CCL27: variants seen among roughly 807,000 people sequenced by gnomAD.
CCL27 encodes C-C motif chemokine ligand 27, also known as C-C motif chemokine 27.
Under a neutral mutation model 7.7 loss-of-function variants are expected in CCL27, and 8 were observed. The ratio of observed to expected loss-of-function variants is 1.04; its 90% CI spans 0.61 to 1.88. The LOEUF (loss-of-function observed/expected upper bound fraction) is 1.88, where lower values mean the gene tolerates loss of function less well. CCL27 is among the 40% of genes most tolerant of loss of function. The probability of loss-of-function intolerance (pLI) is 0.00; values close to 1 mark genes in which losing one functional copy is unlikely to be tolerated. For missense variants in CCL27, 130 were observed against 130.0 expected, an observed-to-expected ratio of 1.00 and a Z score of 0.00; for synonymous variants, 49 against 53.2, an observed-to-expected ratio of 0.92 and a Z score of 0.34.
In CCL27 at chr9:34,662,385, A is replaced by G; in HGVS notation, c.102T>C (p.Cys34=). Residue 34 remains cysteine, a synonymous_variant, in exon 2 of 3, where the codon TGT becomes TGC. Transcript: ENST00000259631. ...AFLLPPSTAC[C]TQLYRKPLSD... ...AGAGTGGCTTTCGGTAGAGCTGAGT[A>G]CAGCAGGCAGTGCTGGGTGGCAGTA... 6.2e-7 allele frequency: 1 copy of G among 1,614,134 alleles called. No homozygotes were observed. The highest frequency in any genetic ancestry group is 1.1e-5 in the South Asian group (1 of 91,084).
In CCL27 at chr9:34,662,252, CAG is replaced by C. The variant is rs771488336; in HGVS notation, c.203+30_203+31del. 3 of 1,612,940 alleles carry C rather than the reference CAG, an allele frequency of 1.9e-6. No homozygotes were observed. In the South Asian group the frequency reaches 3.3e-5, roughly 18 times the overall value. On this transcript the variant is annotated intron_variant, in intron 2 of 2. Coordinates refer to ENST00000259631, the MANE Select transcript of CCL27 (RefSeq NM_006664.4). ...CAGCATTAGGGGTTGGGACTGAGGT[CAG>C]AGTCAGGGGTATCAGGGGTGGGAGC...
In CCL27 at chr9:34,662,412, G is replaced by A. The variant is rs748628249; in HGVS notation, c.75C>T (p.Phe25=). 1 of 1,614,086 alleles carries A rather than the reference G, an allele frequency of 6.2e-7. No homozygotes were observed. The highest frequency in any genetic ancestry group is 1.1e-5 in the South Asian group (1 of 91,086). The change falls in exon 2 of 3, where the codon TTC becomes TTT. Residue 25 remains phenylalanine, a synonymous_variant. Transcript: ENST00000259631. ...LLLSPDPTAA[F]LLPPSTACCT... ...AGCAGGCAGTGCTGGGTGGCAGTAG[G>A]AATGCTAGGGGCAACAGGGCCATGT... is the stretch of plus-strand genomic sequence containing the variant.
chr9:34,662,383 G>A lies in CCL27; in HGVS notation c.104C>T (p.Thr35Ile), dbSNP rs1409767298. Residue 35 changes from threonine to isoleucine, a missense_variant, in exon 2 of 3, where the codon ACT (threonine) becomes ATT (isoleucine). Physicochemically the swap from Thr to Ile is moderately conservative, Grantham distance 89. Transcript: ENST00000259631. ...FLLPPSTACC[T>I]QLYRKPLSDK... Reference sequence around the variant, plus strand: ...TGAGAGTGGCTTTCGGTAGAGCTGAGTACAGCAGGCAGTGCTGGGTGGCAG... The same window carrying A: ...TGAGAGTGGCTTTCGGTAGAGCTGAATACAGCAGGCAGTGCTGGGTGGCAG... 1.2e-6 allele frequency: 2 copies of A among 1,614,012 alleles called. No individual in the cohort carries two copies. Among genetic ancestry groups the A allele is most frequent in the Non-Finnish European group, 1.7e-6 (2 of 1,180,036 alleles).
intron 1 of CCL27, 41 bp downstream of exon 1, chr9:34,662,523 T>C (rs977740446): frequency 6.2e-7 from 1 of 1,612,508 alleles, no homozygotes; most frequent in African/African-American, 1.3e-5. Flanking sequence ...CTTCATCCCA[T>C]TCACCCAGAC....
Position 34,661,992 on chromosome 9 carries a change from A to G in CCL27, c.291T>C (p.His97=). The G allele has an allele frequency of 6.2e-7, 1 of 1,614,234 alleles. No individual in the cohort carries two copies. The highest frequency in any genetic ancestry group is 8.5e-7 in the Non-Finnish European group (1 of 1,180,034). Residue 97 remains histidine, a synonymous_variant, in exon 3 of 3, where the codon CAT becomes CAC. Transcript: ENST00000259631. ...QWFEHQERKL[H]GTLPKLNFGM... ...CAAAATTCAGCTTGGGCAGAGTCCC[A>G]TGGAGCTTTCTCTCTTGGTGCTCAA... is the stretch of plus-strand genomic sequence containing the variant.
At chr9:34,662,510 C>G in intron 1 of CCL27, 54 bp downstream of exon 1, 1 of 1,612,370 alleles carries the variant, frequency 6.2e-7, no homozygotes, top group Non-Finnish European at 8.5e-7. Context: ...TGGGTCTTTT[C>G]AACTTCATCC....
At position 34,661,897 on chromosome 9, in the gene CCL27, C is replaced by G; in HGVS notation, c.*47G>C. 6.2e-7 allele frequency: 1 copy of G among 1,604,162 alleles called. No homozygotes were observed. The highest frequency in any genetic ancestry group is 8.5e-7 in the Non-Finnish European group (1 of 1,172,192). ...TAAGGAAGTTCTTGGAGATTATACT[C>G]AGAAATTATTATCCAATGCTGCTTT... On this transcript the variant is annotated 3_prime_UTR_variant, in exon 3 of 3. Coordinates refer to ENST00000259631, the MANE Select transcript of CCL27 (RefSeq NM_006664.4).
chr9:34,662,246 T>C (rs1422952910), intron 2 of CCL27, 38 bp downstream of exon 2: 2 of 1,612,746 alleles, frequency 1.2e-6, no homozygotes, highest in South Asian at 1.1e-5. Context: ...GGGTTGGGAC[T>C]GAGGTCAGAG....
Position 34,662,294 on chromosome 9 carries a change from G to A in CCL27, c.193C>T (p.Gln65Ter). The A allele has an allele frequency of 1.2e-6, 2 of 1,614,004 alleles. No homozygotes were observed. The highest frequency in any genetic ancestry group is 1.7e-6 in the Non-Finnish European group (2 of 1,179,986). Residue 65 changes from glutamine (Q) to a stop codon, truncating the protein, a stop_gained, in exon 2 of 3, where the codon CAG (glutamine) becomes TAG (stop). Coordinates refer to ENST00000259631, the MANE Select transcript of CCL27 (RefSeq NM_006664.4). LOFTEE classifies it high-confidence loss of function. Reference protein sequence around the residue: ...LQEADGDCHLQAFVLHLAQRS... With the variant: ...LQEADGDCHL ...GGGGTGGGAGCTCACACGAAAGCCT[G>A]GAGGTGACAGTCCCCGTCAGCCTCC...
intron 2 of CCL27, 74 bp from the exon 3 acceptor site, chr9:34,662,153 T>C (rs765483646): frequency 7.5e-6 from 12 of 1,601,176 alleles, no homozygotes; most frequent in Non-Finnish European, 1.0e-5. Flanking sequence ...TGACCCTAAT[T>C]AGGGGTTAGG....
chr9:34,662,601 C>T lies in CCL27; in HGVS notation c.33G>A (p.Leu11=), dbSNP rs1282674320. Residue 11 remains leucine (L), a synonymous_variant, in exon 1 of 3, where the codon CTG becomes CTA. Transcript: ENST00000259631. ...CTGGGCTCAGGAGCAATGACAGCAG[C>T]AGGAGGCTGCAGAAGGTTGGGGGCC... MKGPPTFCSL[L]LLSLLLSPDP... is the part of the protein sequence containing the mutation. 6.2e-6 allele frequency: 10 copies of T among 1,613,712 alleles called. No homozygotes were observed. Among genetic ancestry groups the T allele is most frequent in the Non-Finnish European group, 7.6e-6 (9 of 1,179,898 alleles).
At position 34,662,638 on chromosome 9, in the gene CCL27, C is replaced by T. The variant is rs755758778; in HGVS notation, c.-5G>A. On this transcript the variant is annotated 5_prime_UTR_variant, in exon 1 of 3. Transcript: ENST00000259631. ...GAAGGTTGGGGGCCCCTTCATGTTG[C>T]TCAGCCTAGACTCTTCCTTCTCTCT... The T allele has an allele frequency of 5.6e-6, 9 of 1,610,484 alleles. No individual in the cohort carries two copies. The highest frequency in any genetic ancestry group is 1.7e-4 in the Middle Eastern group (1 of 6,054).
rs1291837433 is a variant in CCL27, at chr9:34,662,284, A to C, written c.203T>G (p.Val68Gly). ...ADGDCHLQAF[V>G]LHLAQRSICI... The stretch of plus-strand genomic sequence containing the variant: ...AGGGGTATCAGGGGTGGGAGCTCAC[A>C]CGAAAGCCTGGAGGTGACAGTCCCC... Residue 68 changes from valine (V) to glycine (G), a missense_variant and splice_region_variant, in exon 2 of 3, where the codon GTG (valine) becomes GGG (glycine). Physicochemically the swap from Val to Gly is moderately radical, Grantham distance 109. Transcript: ENST00000259631. 1 of 1,613,852 alleles carries C rather than the reference A, an allele frequency of 6.2e-7. No individual in the cohort carries two copies. The highest frequency in any genetic ancestry group is 2.2e-5 in the East Asian group (1 of 44,886).
Position 34,662,549 on chromosome 9 carries a change from C to G in CCL27, c.70+15G>C, listed in dbSNP as rs556839871. 6.2e-7 allele frequency: 1 copy of G among 1,613,758 alleles called. No individual in the cohort carries two copies. Among genetic ancestry groups the G allele is most frequent in the South Asian group, 1.1e-5 (1 of 91,066 alleles). On this transcript the variant is annotated intron_variant, in intron 1 of 2. Transcript: ENST00000259631. ...TCACCCAGACCCCCAGCTTTCTATA[C>G]CCCCAAGTACTCACCTGCTGTAGGG...
rs1339034213 is a variant in CCL27 at position 34,662,384 on chromosome 9, T to G, written c.103A>C (p.Thr35Pro). The change falls in exon 2 of 3, where the codon ACT (threonine) becomes CCT (proline). Residue 35 changes from threonine (T) to proline (P), a missense_variant. Coordinates refer to ENST00000259631, the MANE Select transcript of CCL27 (RefSeq NM_006664.4). ...GAGAGTGGCTTTCGGTAGAGCTGAGTACAGCAGGCAGTGCTGGGTGGCAGT... is the reference window on the plus strand; with the variant it reads ...GAGAGTGGCTTTCGGTAGAGCTGAGGACAGCAGGCAGTGCTGGGTGGCAGT... ...FLLPPSTACC[T>P]QLYRKPLSDK... 6.2e-7 allele frequency: 1 copy of G among 1,613,932 alleles called. No individual in the cohort carries two copies. The highest frequency in any genetic ancestry group is 8.5e-7 in the Non-Finnish European group (1 of 1,180,010).
chr9:34,662,656 T>C lies in CCL27; in HGVS notation c.-23A>G. ...CATGTTGCTCAGCCTAGACTCTTCC[T>C]TCTCTCTCTCTCCTCCTCCCCTACC... On this transcript the variant is annotated 5_prime_UTR_variant, in exon 1 of 3. Coordinates refer to ENST00000259631, the MANE Select transcript of CCL27 (RefSeq NM_006664.4). The C allele has an allele frequency of 6.3e-7, 1 of 1,579,452 alleles. No individual in the cohort carries two copies. Among genetic ancestry groups the C allele is most frequent in the Non-Finnish European group, 8.6e-7 (1 of 1,163,838 alleles).
Position 34,662,363 on chromosome 9 carries a change from G to A in CCL27, c.124C>T (p.Leu42Phe), listed in dbSNP as rs758318262. The A allele has an allele frequency of 5.0e-6, 8 of 1,614,160 alleles. No individual in the cohort carries two copies. Among genetic ancestry groups the A allele is most frequent in the Non-Finnish European group, 6.8e-6 (8 of 1,180,006 alleles). Residue 42 changes from leucine to phenylalanine, a missense_variant, in exon 2 of 3, where the codon CTC (leucine) becomes TTC (phenylalanine). By Grantham distance (22) the Leu-to-Phe change is conservative. Coordinates refer to ENST00000259631, the MANE Select transcript of CCL27 (RefSeq NM_006664.4). ...ACCTQLYRKPLSDKLLRKVIQ... is the reference protein window; with the variant it reads ...ACCTQLYRKPFSDKLLRKVIQ... ...ACCTTCCTCAGTAGCTTGTCTGAGA[G>A]TGGCTTTCGGTAGAGCTGAGTACAG... is the stretch of plus-strand genomic sequence containing the variant.
chr9:34,662,169 G>C, intron 2 of CCL27, 90 bp from the exon 3 acceptor site: 1 of 1,604,016 alleles, frequency 6.2e-7, no homozygotes, highest in Non-Finnish European at 8.5e-7. Context: ...TTAGGAGCAA[G>C]GACCAGATGA....
At position 34,662,309 on chromosome 9, in the gene CCL27, C is replaced by G. The variant is rs758902263; in HGVS notation, c.178G>C (p.Gly60Arg). Reference sequence around the variant, plus strand: ...ACGAAAGCCTGGAGGTGACAGTCCCCGTCAGCCTCCTGCAGTTCCACCTGG... The same window carrying G: ...ACGAAAGCCTGGAGGTGACAGTCCCGGTCAGCCTCCTGCAGTTCCACCTGG... ...VIQVELQEAD[G>R]DCHLQAFVLH... is the part of the protein sequence containing the mutation. The change falls in exon 2 of 3, where the codon GGG (glycine) becomes CGG (arginine). Residue 60 changes from glycine to arginine, a missense_variant. Coordinates refer to ENST00000259631, the MANE Select transcript of CCL27 (RefSeq NM_006664.4). The G allele has an allele frequency of 3.1e-6, 5 of 1,613,880 alleles. No homozygotes were observed. The highest frequency in any genetic ancestry group is 3.3e-5 in the Admixed American group (2 of 59,996).
Sources: allele counts gnomAD v4.1 joint callset, GRCh38; gene constraint gnomAD v4.1.1; transcripts MANE v1.5; gene names NCBI Gene and HGNC (gene_info 2026-07-23, HGNC 2026-07-21).